LRMDA: variants seen among roughly 807,000 people sequenced by gnomAD.
LRMDA encodes the protein leucine rich melanocyte differentiation associated.
LRMDA carries 18 observed loss-of-function variants against 29.8 expected under a neutral mutation model. The observed-to-expected ratio is 0.60, with a 90% CI of 0.42 to 0.90. The LOEUF is 0.90. Ranked by LOEUF, LRMDA falls within the 40% of genes least tolerant of loss-of-function variation. The pLI, the probability that LRMDA is intolerant of heterozygous loss-of-function variation, is 0.00. For missense variants in LRMDA, 273 were observed against 273.9 expected (o/e 1.00, Z 0.02); for synonymous variants, 125 against 109.4 (o/e 1.14, Z -0.89).
chr10:76,532,540 C>T (rs1843245640), intron 6 of LRMDA, among the ~76,000 whole-genome samples: 1 of 152,168 alleles, frequency 6.6e-6, no homozygotes, highest in Non-Finnish European at 1.5e-5. Context: ...GGAGTAATAG[C>T]AATCAAATGC....
intron 2 of LRMDA, among the ~76,000 whole-genome samples, chr10:75,976,793 A>C (rs1056747931): frequency 5.3e-5 from 8 of 152,210 alleles, no homozygotes; most frequent in Admixed American, 2.6e-4. Flanking sequence ...GCATACAGCT[A>C]GTAAGTGGCA....
chr10:75,547,782 C>G (rs1418862614), intron 2 of LRMDA, among the ~76,000 whole-genome samples: 2 of 152,124 alleles, frequency 1.3e-5, no homozygotes, highest in East Asian at 3.9e-4. Flanking sequence ...AGTTTCAGGT[C>G]AAGCCCAATT....
chr10:75,583,668 C>T (rs549765120), intron 2 of LRMDA, among the ~76,000 whole-genome samples: 1 of 152,288 alleles, frequency 6.6e-6, no homozygotes, highest in South Asian at 2.1e-4. Context: ...CACTGCCTTT[C>T]CTCCTGCCCA....
chr10:76,031,883 G>A (rs969118129), intron 2 of LRMDA, among the ~76,000 whole-genome samples: 1 of 152,156 alleles, frequency 6.6e-6, no homozygotes, highest in African/African-American at 2.4e-5. Context: ...TTGTTTTAGG[G>A]TCTGTGGTCA....
intron 2 of LRMDA, among the ~76,000 whole-genome samples, chr10:75,613,931 A>G (rs1841066946): frequency 6.6e-6 from 1 of 152,242 alleles, no homozygotes; most frequent in African/African-American, 2.4e-5. Flanking sequence ...GAAATGCAGT[A>G]AAATTTATCA....
At chr10:75,801,997 A>G (rs1472963852) in intron 2 of LRMDA, among the ~76,000 whole-genome samples, 1 of 152,136 alleles carries the variant, frequency 6.6e-6, no homozygotes, top group East Asian at 1.9e-4. Context: ...GGCAGGGGAC[A>G]CAGCTTGAGG....
chr10:76,468,354 C>G (rs1842584519), intron 6 of LRMDA, among the ~76,000 whole-genome samples: 3 of 152,172 alleles, frequency 2.0e-5, no homozygotes, highest in Non-Finnish European at 4.4e-5. Context: ...CAAGACTGTT[C>G]TGGAACAAAT....
Position 75,836,291 on chromosome 10 carries a change from G to A in LRMDA, c.132-199717G>A, listed in dbSNP as rs148419858. ...AACACATGTTATAGAGCTCAAGAGAGTTGGAAGTGATGTCTGATGCTAAGT... is the reference window on the plus strand; with the variant it reads ...AACACATGTTATAGAGCTCAAGAGAATTGGAAGTGATGTCTGATGCTAAGT... On this transcript the variant is annotated intron_variant, in intron 2 of 6. Coordinates refer to ENST00000611255, the MANE Select transcript of LRMDA (RefSeq NM_001305581.2). 5.2e-3 allele frequency among the ~76,000 whole-genome samples: 798 copies of A among 152,248 alleles called. 11 individuals carry two copies. Among genetic ancestry groups the A allele is most frequent in the African/African-American group, 0.018 (766 of 41,540 alleles).
Position 76,558,616 on chromosome 10 carries a change from A to G in LRMDA, c.*1328A>G, listed in dbSNP as rs560679603. 13 of 152,298 alleles carry G rather than the reference A, an allele frequency of 8.5e-5. No homozygotes were observed. The highest frequency in any genetic ancestry group is 1.5e-4 in the Non-Finnish European group (10 of 68,016). The allele number at this position is 152,298 out of a possible 1,614,324, so 9.4% of individuals were successfully genotyped here. Reference sequence around the variant, plus strand: ...ACCAAGTGTTCATTGTCCTCCCAGTATTAGGTCAGTTTGATGACAGCAAAA... The same window carrying G: ...ACCAAGTGTTCATTGTCCTCCCAGTGTTAGGTCAGTTTGATGACAGCAAAA... On this transcript the variant is annotated 3_prime_UTR_variant, in exon 7 of 7. Transcript: ENST00000611255.
intron 6 of LRMDA, among the ~76,000 whole-genome samples, chr10:76,458,016 G>C (rs751573947): frequency 3.3e-5 from 5 of 151,708 alleles, no homozygotes; most frequent in Admixed American, 6.6e-5. Context: ...GAAATAGGAG[G>C]TGTCCCCCTC....
At chr10:76,040,477 C>T (rs968152324) in intron 3 of LRMDA, among the ~76,000 whole-genome samples, 26 of 152,028 alleles carry the variant, frequency 1.7e-4, no homozygotes, top group Middle Eastern at 3.2e-3. Context: ...TCTCTTGGTT[C>T]GTAGGGATCT....
chr10:76,062,429 G>C (rs942320502), intron 5 of LRMDA, among the ~76,000 whole-genome samples: 1 of 152,140 alleles, frequency 6.6e-6, no homozygotes, highest in Non-Finnish European at 1.5e-5. Context: ...ATAAAGGCCC[G>C]ATGTCGCAGA....
chr10:76,348,953 TGAG>T (rs1407891295), intron 6 of LRMDA, among the ~76,000 whole-genome samples: 6 of 152,222 alleles, frequency 3.9e-5, no homozygotes, highest in Admixed American at 2.0e-4. Context: ...GAGTGGCAGA[TGAG>T]GACATCACAG....
At chr10:76,254,300 T>TATACTATACTATACC (rs66939986) in intron 5 of LRMDA, among the ~76,000 whole-genome samples, 35 of 90,624 alleles carry the variant, frequency 3.9e-4, no homozygotes, top group African/African-American at 4.4e-4. Context: ...TATACTATAC[T>TATACTATACTATACC]ATACCATACC....
intron 2 of LRMDA, among the ~76,000 whole-genome samples, chr10:75,854,711 C>A (rs1368216581): frequency 6.6e-6 from 1 of 151,746 alleles, no homozygotes; most frequent in African/African-American, 2.4e-5. Flanking sequence ...AATGCTATCC[C>A]TCCCCACTCC....
intron 3 of LRMDA, among the ~76,000 whole-genome samples, chr10:76,037,146 T>C (rs900093126): frequency 6.6e-6 from 1 of 152,202 alleles, no homozygotes; most frequent in Non-Finnish European, 1.5e-5. Flanking sequence ...AGGTGAGGTG[T>C]AGGCACACAG....
intron 2 of LRMDA, among the ~76,000 whole-genome samples, chr10:76,007,031 TGCGC>T (rs796539226): frequency 1.6e-3 from 44 of 26,798 alleles, no homozygotes; most frequent in South Asian, 0.013. Flanking sequence ...TGTGTGTGTG[TGCGC>T]GTGTGTGTTT....
intron 6 of LRMDA, among the ~76,000 whole-genome samples, chr10:76,363,356 T>C (rs1246959632): frequency 2.6e-5 from 4 of 151,714 alleles, no homozygotes; most frequent in Admixed American, 2.0e-4. Context: ...AGCATCCAGA[T>C]TGGAAAGGAA....
intron 6 of LRMDA, among the ~76,000 whole-genome samples, chr10:76,354,526 C>T (rs575809963): frequency 6.6e-6 from 1 of 152,262 alleles, no homozygotes; most frequent in African/African-American, 2.4e-5. Flanking sequence ...TAACCCATTG[C>T]TGAAATACAA....
Sources: allele counts gnomAD v4.1 joint callset (sites outside exome capture counted in the v4.1 genomes callset), GRCh38; gene constraint gnomAD v4.1.1; transcripts MANE v1.5; gene names NCBI Gene and HGNC (gene_info 2026-07-23, HGNC 2026-07-21).